The following ACVR1 variants were observed in gnomAD, a reference collection of about 807,000 sequenced individuals.
ACVR1 encodes the protein activin receptor type-1.
ACVR1 carries 38 observed loss-of-function variants against 57.1 expected under a neutral mutation model. That is an observed-to-expected ratio of 0.67 (90% CI 0.51 to 0.87). ACVR1 has a LOEUF of 0.87. Among genes scored for constraint, ACVR1 ranks in the 40% least tolerant of loss-of-function variants. ACVR1 has a pLI of 0.00. For missense variants in ACVR1, 463 were observed against 638.2 expected (o/e 0.73, Z 2.96); for synonymous variants, 212 against 228.1 (o/e 0.93, Z 0.63).
At chr2:157,775,500 G>C (rs554637380) in intron 5 of ACVR1, among the ~76,000 whole-genome samples, 1 of 152,186 alleles carries the variant, frequency 6.6e-6, no homozygotes, top group Non-Finnish European at 1.5e-5. Flanking sequence ...ACATTGATTT[G>C]TGTGAATTTC....
chr2:157,783,358 C>T (rs1559054630), intron 3 of ACVR1, among the ~76,000 whole-genome samples: 1 of 152,106 alleles, frequency 6.6e-6, no homozygotes, highest in Non-Finnish European at 1.5e-5. Context: ...TGGACTATAA[C>T]CTAAAGAGTT....
intron 9 of ACVR1, among the ~76,000 whole-genome samples, chr2:157,747,366 C>T (rs367960314): frequency 6.6e-6 from 1 of 152,206 alleles, no homozygotes; most frequent in East Asian, 1.9e-4. Flanking sequence ...AATCATTTCC[C>T]TGAACGAAAT....
At position 157,836,757 on chromosome 2, in the gene ACVR1, G is replaced by A. The variant is rs182186751; in HGVS notation, c.-182-18198C>T. The stretch of plus-strand genomic sequence containing the variant: ...GCACACTCAAGGGGGTGTGCTGCAA[G>A]ATAAAGGAATGTCTCTCCTCCTCTG... On this transcript the variant is annotated intron_variant, in intron 1 of 10. Transcript: ENST00000434821. 9.6e-4 allele frequency among the ~76,000 whole-genome samples: 146 copies of A among 152,318 alleles called. 1 individual carries two copies. Among genetic ancestry groups the A allele is most frequent in the Middle Eastern group, 3.4e-3 (1 of 294 alleles).
At chr2:157,868,250 CG>C (rs1002155648) in intron 1 of ACVR1, among the ~76,000 whole-genome samples, 3 of 151,620 alleles carry the variant, frequency 2.0e-5, no homozygotes, top group Admixed American at 2.0e-4. Flanking sequence ...TCTGGGAGGC[CG>C]AGGTGGGTGA....
chr2:157,784,049 T>A (rs1179793220), intron 3 of ACVR1, among the ~76,000 whole-genome samples: 1 of 152,144 alleles, frequency 6.6e-6, no homozygotes, highest in East Asian at 1.9e-4. Flanking sequence ...TAAAGCAAGG[T>A]AGTAATAGCA....
At chr2:157,768,359 C>A (rs997640486) in intron 7 of ACVR1, among the ~76,000 whole-genome samples, 1 of 152,132 alleles carries the variant, frequency 6.6e-6, no homozygotes, top group African/African-American at 2.4e-5. Flanking sequence ...TAATACTAAT[C>A]TTTAATGATT....
intron 1 of ACVR1, among the ~76,000 whole-genome samples, chr2:157,839,893 C>T (rs991969057): frequency 3.3e-5 from 5 of 152,204 alleles, no homozygotes; most frequent in African/African-American, 1.2e-4. Context: ...CTCTATGCTT[C>T]CTCAGTTCCT....
At position 157,771,490 on chromosome 2, in the gene ACVR1, GGTA is replaced by G. The variant is rs1008472998; in HGVS notation, c.644-979_644-977del. Among the ~76,000 whole-genome samples, 64 of 152,208 alleles carry G rather than the reference GGTA, an allele frequency of 4.2e-4. 1 individual carries two copies. Among genetic ancestry groups the G allele is most frequent in the African/African-American group, 1.4e-3 (58 of 41,536 alleles). ...CACAAGACTATGAGGATCAACAAGG[GGTA>G]TAATCAGCCTAGATAACAAGGCAAG... On this transcript the variant is annotated intron_variant, in intron 6 of 10. Transcript: ENST00000434821.
chr2:157,804,294 C>T (rs1687439393), intron 2 of ACVR1, among the ~76,000 whole-genome samples: 2 of 152,160 alleles, frequency 1.3e-5, no homozygotes, highest in Admixed American at 1.3e-4. Flanking sequence ...CACTGTTCTA[C>T]AGTTTTAGAA....
At chr2:157,834,298 A>G (rs1688698670) in intron 1 of ACVR1, among the ~76,000 whole-genome samples, 1 of 152,010 alleles carries the variant, frequency 6.6e-6, no homozygotes, top group Non-Finnish European at 1.5e-5. Context: ...TCACCGTGTT[A>G]GCCAGGATGG....
chr2:157,784,636 T>C (rs1686647189), intron 3 of ACVR1, among the ~76,000 whole-genome samples: 2 of 152,214 alleles, frequency 1.3e-5, no homozygotes. Context: ...CAGCCTGGGC[T>C]GGCTGGGAAC....
chr2:157,864,051 G>A (rs1368552259), intron 1 of ACVR1, among the ~76,000 whole-genome samples: 3 of 149,668 alleles, frequency 2.0e-5, no homozygotes, highest in Admixed American at 6.6e-5. Flanking sequence ...AAATAGAGAC[G>A]GGGTTTCACA....
At chr2:157,867,641 T>A (rs561146952) in intron 1 of ACVR1, among the ~76,000 whole-genome samples, 2 of 151,712 alleles carry the variant, frequency 1.3e-5, no homozygotes, top group East Asian at 2.0e-4. Flanking sequence ...ATTTTTTTTT[T>A]ATGAAAATGT....
At chr2:157,791,813 T>C (rs573378111) in intron 3 of ACVR1, among the ~76,000 whole-genome samples, 1 of 152,254 alleles carries the variant, frequency 6.6e-6, no homozygotes, top group African/African-American at 2.4e-5. Flanking sequence ...ATCCTAACCC[T>C]CTGCAAAACT....
chr2:157,862,462 G>C (rs940771740), intron 1 of ACVR1, among the ~76,000 whole-genome samples: 4 of 127,384 alleles, frequency 3.1e-5, no homozygotes, highest in Admixed American at 7.6e-5. Context: ...CACACACAGA[G>C]TACAAAACAG....
chr2:157,844,428 C>A (rs1178856188), intron 1 of ACVR1, among the ~76,000 whole-genome samples: 1 of 152,106 alleles, frequency 6.6e-6, no homozygotes, highest in Admixed American at 6.5e-5. Context: ...GCTGCCTACT[C>A]ACTTAAGGTT....
intron 4 of ACVR1, among the ~76,000 whole-genome samples, chr2:157,778,882 TG>T (rs1286265087): frequency 6.6e-6 from 1 of 152,208 alleles, no homozygotes; most frequent in Non-Finnish European, 1.5e-5. Flanking sequence ...ATTCACTCCC[TG>T]GGTTCAGACC....
chr2:157,863,121 T>C (rs1191527232), intron 1 of ACVR1, among the ~76,000 whole-genome samples: 1 of 138,780 alleles, frequency 7.2e-6, no homozygotes, highest in African/African-American at 2.7e-5. Flanking sequence ...TCCCAGGTAC[T>C]CCTGCCTCAG....
intron 8 of ACVR1, among the ~76,000 whole-genome samples, chr2:157,761,827 G>A (rs1363287177): frequency 1.3e-5 from 2 of 152,192 alleles, no homozygotes; most frequent in East Asian, 3.8e-4. Flanking sequence ...TGTTACTGAT[G>A]CATATGCAGA....
Sources: allele counts gnomAD v4.1 joint callset (sites outside exome capture counted in the v4.1 genomes callset), GRCh38; gene constraint gnomAD v4.1.1; transcripts MANE v1.5; gene names NCBI Gene and HGNC (gene_info 2026-07-23, HGNC 2026-07-21).